ASTN2: variants seen among roughly 807,000 people sequenced by gnomAD.
The protein encoded by ASTN2 is astrotactin-2.
Under a neutral mutation model 139.8 loss-of-function variants are expected in ASTN2, and 54 were observed. That is an observed-to-expected ratio of 0.39 (90% CI 0.31 to 0.48). ASTN2 has a LOEUF of 0.48. ASTN2 is among the 20% of genes least tolerant of loss of function. ASTN2 has a pLI of 0.95. For synonymous variants in ASTN2, 756 were observed against 719.5 expected (o/e 1.05, Z -0.81); for missense variants, 1,565 against 1,725.1 (o/e 0.91, Z 1.64).
At chr9:116,445,356 A>C (rs1564281841) in intron 20 of ASTN2, among the ~76,000 whole-genome samples, 1 of 152,230 alleles carries the variant, frequency 6.6e-6, no homozygotes, top group Non-Finnish European at 1.5e-5. Context: ...CATTTTAAAA[A>C]ATGCTTTCTT....
At chr9:116,672,805 AC>A (rs1859277867) in intron 16 of ASTN2, among the ~76,000 whole-genome samples, 2 of 152,172 alleles carry the variant, frequency 1.3e-5, no homozygotes, top group South Asian at 4.1e-4. Flanking sequence ...TACCCTTCCA[AC>A]TGGGTGGTGT....
chr9:116,770,351 A>G (rs1274338906), intron 13 of ASTN2, among the ~76,000 whole-genome samples: 1 of 152,148 alleles, frequency 6.6e-6, no homozygotes, highest in African/African-American at 2.4e-5. Flanking sequence ...CCTCACCTAC[A>G]TCTTCTACAG....
At chr9:116,843,915 A>G (rs1163570239) in intron 11 of ASTN2, among the ~76,000 whole-genome samples, 1 of 152,224 alleles carries the variant, frequency 6.6e-6, no homozygotes, top group Non-Finnish European at 1.5e-5. Flanking sequence ...TGAAGCTAAA[A>G]TAAATGTTGA....
In ASTN2 at chr9:116,579,499, A is replaced by G. The variant is rs1023874870; in HGVS notation, c.3355+38825T>C. Among the ~76,000 whole-genome samples the G allele has an allele frequency of 2.0e-5, 3 of 152,170 alleles. No homozygotes were observed. In the East Asian group the frequency reaches 5.8e-4, roughly 29 times the overall value. On this transcript the variant is annotated intron_variant, in intron 19 of 22. Coordinates refer to ENST00000313400, the MANE Select transcript of ASTN2 (RefSeq NM_001365068.1). Reference sequence around the variant, plus strand: ...GAAGCCTACAACATTTTCTCTTACCATCTTGCTGTCAGAAATTCCACTGTG... The same window carrying G: ...GAAGCCTACAACATTTTCTCTTACCGTCTTGCTGTCAGAAATTCCACTGTG...
intron 3 of ASTN2, among the ~76,000 whole-genome samples, chr9:117,149,467 G>C (rs1830278712): frequency 6.6e-6 from 1 of 151,968 alleles, no homozygotes; most frequent in Non-Finnish European, 1.5e-5. Flanking sequence ...ATGTCTTCTT[G>C]GTTCTGTTTC....
intron 3 of ASTN2, among the ~76,000 whole-genome samples, chr9:117,172,551 C>T (rs147838879): frequency 1.8e-3 from 276 of 152,200 alleles, no homozygotes; most frequent in African/African-American, 6.3e-3. Flanking sequence ...ACATTCCTCA[C>T]ACACTTGAGG....
At chr9:116,976,281 A>G in intron 8 of ASTN2, 93 bp from the exon 9 acceptor site, 2 of 976,946 alleles carry the variant, frequency 2.0e-6, no homozygotes, top group Non-Finnish European at 3.2e-6. Flanking sequence ...CTTTACAAAC[A>G]ACCAAACTCT....
In ASTN2 at chr9:116,501,857, A is replaced by AT. The variant is rs796186400; in HGVS notation, c.3356-14358_3356-14357insA. On this transcript the variant is annotated intron_variant, in intron 19 of 22. Transcript: ENST00000313400. ...CCCTAAAACTTAAAGTATAATAATAAAAAAAAAAAACAGCACCAGTGGGAT... is the reference window on the plus strand; with the variant it reads ...CCCTAAAACTTAAAGTATAATAATAATAAAAAAAAAACAGCACCAGTGGGAT... Among the ~76,000 whole-genome samples the AT allele has an allele frequency of 2.6e-4, 38 of 148,306 alleles. 2 individuals are homozygous for AT. The highest frequency in any genetic ancestry group is 8.4e-4 in the African/African-American group (34 of 40,302).
At chr9:117,157,238 T>C (rs913077310) in intron 3 of ASTN2, among the ~76,000 whole-genome samples, 6 of 151,846 alleles carry the variant, frequency 4.0e-5, no homozygotes, top group African/African-American at 1.4e-4. Flanking sequence ...TCCCCTAAGC[T>C]GTATTTGAAC....
chr9:116,569,843 T>C (rs1354823777), intron 19 of ASTN2, among the ~76,000 whole-genome samples: 1 of 152,222 alleles, frequency 6.6e-6, no homozygotes, highest in Non-Finnish European at 1.5e-5. Context: ...AACTGGAGCA[T>C]GCAAGGCCTT....
chr9:117,014,376 G>A (rs1442684474), intron 6 of ASTN2, among the ~76,000 whole-genome samples: 1 of 152,078 alleles, frequency 6.6e-6, no homozygotes, highest in African/African-American at 2.4e-5. Context: ...TATGGGTAAA[G>A]GCAACCTGGA....
chr9:117,010,426 T>C (rs1171826093), intron 6 of ASTN2, among the ~76,000 whole-genome samples: 3 of 152,132 alleles, frequency 2.0e-5, no homozygotes, highest in African/African-American at 7.2e-5. Context: ...TTGAATTGTG[T>C]CCCAGGGCTG....
chr9:116,835,547 A>C (rs545453512), intron 11 of ASTN2, among the ~76,000 whole-genome samples: 2 of 152,262 alleles, frequency 1.3e-5, no homozygotes, highest in South Asian at 4.1e-4. Context: ...CGTCAAAGGA[A>C]CTTTGGTCTC....
At position 116,698,903 on chromosome 9, in the gene ASTN2, C is replaced by T. The variant is rs751224092; in HGVS notation, c.2806+26868G>A. 8.1e-6 allele frequency: 13 copies of T among 1,614,212 alleles called. No individual in the cohort carries two copies. Among genetic ancestry groups the T allele is most frequent in the Middle Eastern group, 1.6e-4 (1 of 6,062 alleles). On this transcript the variant is annotated intron_variant, in intron 16 of 22. Transcript: ENST00000313400. The surrounding 1 kb of genome is among the most constrained non-coding windows in gnomAD (Gnocchi z 4.4). ...TGACCAGTCAAGGTGAAGTACTAGT[C>T]GCTGACCGTGGTAACTATCGTATAC...
chr9:116,537,193 A>C (rs181421851), intron 19 of ASTN2, among the ~76,000 whole-genome samples: 1 of 152,316 alleles, frequency 6.6e-6, no homozygotes, highest in African/African-American at 2.4e-5. Context: ...CCGTTTGCTC[A>C]GTTGGAAATG....
intron 10 of ASTN2, among the ~76,000 whole-genome samples, chr9:116,874,026 C>A (rs1005838519): frequency 6.6e-6 from 1 of 152,142 alleles, no homozygotes; most frequent in African/African-American, 2.4e-5. Flanking sequence ...CAAACGAATG[C>A]CTCTGTTTTT....
chr9:116,656,463 A>T (rs529793185), intron 16 of ASTN2, among the ~76,000 whole-genome samples: 1 of 152,284 alleles, frequency 6.6e-6, no homozygotes, highest in Non-Finnish European at 1.5e-5. Context: ...GTTAAAATAC[A>T]GTGTCTTTAA....
At chr9:116,686,823 G>A in intron 16 of ASTN2, 1 of 1,550,500 alleles carries the variant, frequency 6.4e-7, no homozygotes, top group Non-Finnish European at 8.7e-7. Flanking sequence ...CTTGTCTCTA[G>A]TGCAGCTCTC....
intron 13 of ASTN2, among the ~76,000 whole-genome samples, chr9:116,755,178 T>C (rs1829501133): frequency 6.6e-6 from 1 of 152,200 alleles, no homozygotes; most frequent in Non-Finnish European, 1.5e-5. Flanking sequence ...ATAGGCTAAA[T>C]AATGACCTTG....
Sources: gnomAD v4.1 joint callset for allele counts (sites outside exome capture counted in the v4.1 genomes callset) on GRCh38, gnomAD v4.1.1 for gene constraint, Gnocchi (gnomAD v3.1) non-coding constraint, MANE v1.5 for transcripts, NCBI Gene and HGNC (gene_info 2026-07-23, HGNC 2026-07-21) for gene names.